The following YARS1 variants were observed in gnomAD, a reference collection of about 807,000 sequenced individuals.
The protein encoded by YARS1 is tyrosine--tRNA ligase, cytoplasmic.
Under a neutral mutation model 62.2 loss-of-function variants are expected in YARS1, and 36 were observed. That is an observed-to-expected ratio of 0.58 (90% CI 0.44 to 0.76). The LOEUF is 0.76. Ranked by LOEUF, YARS1 falls within the 30% of genes least tolerant of loss-of-function variation. YARS1 has a pLI of 0.00. For synonymous variants in YARS1, 234 were observed against 244.9 expected, an observed-to-expected ratio of 0.96 and a Z score of 0.42; for missense variants, 524 against 639.8, an observed-to-expected ratio of 0.82 and a Z score of 1.95.
intron 4 of YARS1, among the ~76,000 whole-genome samples, chr1:32,800,450 G>C (rs981766223): frequency 1.3e-5 from 2 of 152,056 alleles, no homozygotes; most frequent in Non-Finnish European, 2.9e-5. Flanking sequence ...GACCAGCCTA[G>C]ACAACATAGT....
At chr1:32,796,517 C>T (rs1157605566) in intron 5 of YARS1, among the ~76,000 whole-genome samples, 3 of 151,662 alleles carry the variant, frequency 2.0e-5, no homozygotes, top group Admixed American at 2.0e-4. Flanking sequence ...ACTACAGAGG[C>T]GTGCCTGGCT....
intron 5 of YARS1, among the ~76,000 whole-genome samples, chr1:32,795,474 G>A (rs1488960687): frequency 6.6e-6 from 1 of 152,032 alleles, no homozygotes; most frequent in Non-Finnish European, 1.5e-5. Flanking sequence ...AATCTCTAGG[G>A]CAGGGATGGG....
chr1:32,798,153 A>C (rs988504762), intron 4 of YARS1: 4 of 373,632 alleles, frequency 1.1e-5, no homozygotes, highest in Non-Finnish European at 2.0e-5. Context: ...ATTACAGGCG[A>C]GAGCCACCAT....
intron 11 of YARS1, chr1:32,779,775 C>T (rs1045707343): frequency 1.6e-5 from 10 of 617,206 alleles, no homozygotes; most frequent in South Asian, 4.0e-5. Flanking sequence ...TATAAAATAA[C>T]GTAGCGAGGA....
intron 8 of YARS1, among the ~76,000 whole-genome samples, chr1:32,784,741 C>T (rs553942604): frequency 7.2e-4 from 110 of 152,142 alleles, no homozygotes; most frequent in African/African-American, 2.5e-3. Flanking sequence ...TACACACATA[C>T]ACACATATGT....
intron 11 of YARS1, chr1:32,779,832 A>C: frequency 1.6e-6 from 1 of 611,054 alleles, no homozygotes; most frequent in Non-Finnish European, 2.9e-6. Context: ...TCCACTCCTT[A>C]CTAGTAGTAA....
chr1:32,796,152 G>A (rs557398201), intron 5 of YARS1, among the ~76,000 whole-genome samples: 1 of 151,886 alleles, frequency 6.6e-6, no homozygotes, highest in East Asian at 2.0e-4. Flanking sequence ...AAAATTAGCC[G>A]GGTGTGGTGG....
At chr1:32,795,368 T>C (rs116854788) in intron 5 of YARS1, among the ~76,000 whole-genome samples, 2 of 152,160 alleles carry the variant, frequency 1.3e-5, no homozygotes, top group East Asian at 3.9e-4. Context: ...CCAACTGTTG[T>C]TGGAGGAAAA....
At chr1:32,807,053 T>G (rs1336113477) in intron 3 of YARS1, among the ~76,000 whole-genome samples, 1 of 152,186 alleles carries the variant, frequency 6.6e-6, no homozygotes, top group East Asian at 1.9e-4. Flanking sequence ...CTGGAACGAT[T>G]AGTCCATCAC....
chr1:32,797,005 T>A (rs1278436030), intron 5 of YARS1, among the ~76,000 whole-genome samples: 67 of 5,818 alleles, frequency 0.012, 9 homozygotes, highest in South Asian at 0.06. Flanking sequence ...AATATATATA[T>A]ATATATATAT....
chr1:32,805,197 C>G (rs181072729), intron 4 of YARS1, among the ~76,000 whole-genome samples: 2,026 of 130,834 alleles, frequency 0.015, 56 homozygotes, highest in African/African-American at 0.053. Context: ...AGCCTCGGCT[C>G]GGCATCAGAG....
At chr1:32,780,047 T>TC in intron 11 of YARS1, 38 bp downstream of exon 11, 1 of 1,612,858 alleles carries the variant, frequency 6.2e-7, no homozygotes, top group Non-Finnish European at 8.5e-7. Flanking sequence ...CTTCCTGGCC[T>TC]CCCCAGGTCC....
chr1:32,796,551 CAG>C (rs1165853831), intron 5 of YARS1, among the ~76,000 whole-genome samples: 1 of 151,582 alleles, frequency 6.6e-6, no homozygotes, highest in African/African-American at 2.4e-5. Context: ...ATTGTGGAGA[CAG>C]AGTCTTGCTA....
At chr1:32,803,089 T>C (rs1476186056) in intron 4 of YARS1, among the ~76,000 whole-genome samples, 6 of 151,064 alleles carry the variant, frequency 4.0e-5, no homozygotes, top group Non-Finnish European at 7.4e-5. Context: ...TTCAAGCGAC[T>C]GTCCTGCCTC....
intron 4 of YARS1, among the ~76,000 whole-genome samples, chr1:32,804,411 C>T (rs1179939244): frequency 4.0e-5 from 6 of 151,018 alleles, no homozygotes; most frequent in Admixed American, 2.0e-4. Context: ...GCTGGCCGGG[C>T]GGCGGCTGCC....
intron 4 of YARS1, among the ~76,000 whole-genome samples, chr1:32,804,808 G>A (rs909101271): frequency 6.6e-6 from 1 of 151,872 alleles, no homozygotes; most frequent in Non-Finnish European, 1.5e-5. Flanking sequence ...AGGCAGAGAC[G>A]CTCCTCACTT....
chr1:32,786,606 T>C (rs1653237623), intron 7 of YARS1, 159 bp from the exon 8 acceptor site: 1 of 795,544 alleles, frequency 1.3e-6, no homozygotes, highest in Non-Finnish European at 2.1e-6. Flanking sequence ...AGTGGCACTA[T>C]TGTATACCCA....
At chr1:32,802,801 G>A (rs866924706) in intron 4 of YARS1, among the ~76,000 whole-genome samples, 2 of 152,048 alleles carry the variant, frequency 1.3e-5, no homozygotes, top group African/African-American at 4.8e-5. Flanking sequence ...ATAGAGCTCA[G>A]GCAGAGTAGA....
intron 6 of YARS1, among the ~76,000 whole-genome samples, chr1:32,787,511 G>T (rs1042078202): frequency 7.0e-6 from 1 of 142,612 alleles, no homozygotes; most frequent in African/African-American, 2.7e-5. Flanking sequence ...AATAAATAAA[G>T]ATTTTTTTTT....
Sources: gnomAD v4.1 joint callset for allele counts (sites outside exome capture counted in the v4.1 genomes callset) on GRCh38, gnomAD v4.1.1 for gene constraint, MANE v1.5 for transcripts, NCBI Gene and HGNC (gene_info 2026-07-23, HGNC 2026-07-21) for gene names.